PLEKHG6: variants seen among roughly 807,000 people sequenced by gnomAD.
PLEKHG6 encodes the protein pleckstrin homology domain-containing family G member 6.
A neutral mutation model predicts 97.5 loss-of-function variants in PLEKHG6; 91 were observed. The ratio of observed to expected loss-of-function variants is 0.93; its 90% CI spans 0.79 to 1.11. The LOEUF is 1.11. Among genes scored for constraint, PLEKHG6 ranks in the 50% most tolerant of loss-of-function variants. The pLI is 0.00. For missense variants in PLEKHG6, 1,044 were observed against 1,031.0 expected (o/e 1.01, Z -0.17); for synonymous variants, 466 against 425.5 (o/e 1.10, Z -1.17).
At chr12:6,311,938 C>T (rs1056623363) in intron 1 of PLEKHG6, among the ~76,000 whole-genome samples, 5 of 152,120 alleles carry the variant, frequency 3.3e-5, no homozygotes, top group East Asian at 3.9e-4. Context: ...AGAGGAGGTA[C>T]ATCTCCAAGG....
intron 15 of PLEKHG6, 89 bp downstream of exon 15, chr12:6,328,035 G>A (rs1947936677): frequency 1.3e-5 from 20 of 1,582,664 alleles, no homozygotes; most frequent in Non-Finnish European, 1.7e-5. Context: ...GGGCAAAGCA[G>A]GAACAGGGGC....
At chr12:6,319,694 T>G (rs1565459249) in intron 13 of PLEKHG6, 5 of 1,528,808 alleles carry the variant, frequency 3.3e-6, no homozygotes, top group Non-Finnish European at 4.4e-6. Flanking sequence ...CCTGAAATGA[T>G]TAACTTCTAG....
chr12:6,324,497 C>T (rs895119997), intron 13 of PLEKHG6, among the ~76,000 whole-genome samples: 3 of 152,064 alleles, frequency 2.0e-5, no homozygotes, highest in Non-Finnish European at 2.9e-5. Context: ...ACAAGCAGAT[C>T]GGCCCAGCGC....
Position 6,328,126 on chromosome 12 carries a change from G to A in PLEKHG6, c.2364-10G>A. 1 of 1,614,032 alleles carries A rather than the reference G, an allele frequency of 6.2e-7. No homozygotes were observed. The highest frequency in any genetic ancestry group is 8.5e-7 in the Non-Finnish European group (1 of 1,179,942). On this transcript the variant is annotated splice_polypyrimidine_tract_variant and intron_variant, in intron 15 of 15. Coordinates refer to ENST00000684764, the MANE Select transcript of PLEKHG6 (RefSeq NM_001384598.1). ...TGAATGTCGCCTAACACCCCCTCCT[G>A]TCTTTTCAGAGAGGTATGAGGAATG...
chr12:6,310,445 C>CG (rs1169935247), upstream of PLEKHG6: 2 of 152,238 alleles, frequency 1.3e-5, no homozygotes, highest in African/African-American at 4.8e-5. Context: ...CAGCGCCTCG[C>CG]GGGGGTCTGG....
rs1947418717 is a variant in PLEKHG6 at position 6,315,356 on chromosome 12, T to C, written c.459+187T>C. Among the ~76,000 whole-genome samples, 1 of 152,202 alleles carries C rather than the reference T, an allele frequency of 6.6e-6. No homozygotes were observed. The highest frequency in any genetic ancestry group is 1.5e-5 in the Non-Finnish European group (1 of 68,032). The stretch of plus-strand genomic sequence containing the variant: ...CAGACCTTGGTCAAGACAGTAAAGT[T>C]CTCTGGGCCTCAGTTGCCACATATG... On this transcript the variant is annotated intron_variant, in intron 4 of 15. Coordinates refer to ENST00000684764, the MANE Select transcript of PLEKHG6 (RefSeq NM_001384598.1). The surrounding 1 kb of genome is among the most constrained non-coding windows in gnomAD (Gnocchi z 4.5).
intron 7 of PLEKHG6, among the ~76,000 whole-genome samples, 175 bp from the exon 8 acceptor site, chr12:6,317,128 G>T (rs905514419): frequency 3.3e-5 from 5 of 152,240 alleles, no homozygotes; most frequent in African/African-American, 1.2e-4. Context: ...TCCAGAGAAA[G>T]GGGCGTAGCC....
Position 6,316,449 on chromosome 12 carries a change from GC to G in PLEKHG6, c.756+48del. On this transcript the variant is annotated intron_variant, in intron 7 of 15. Transcript: ENST00000684764. The surrounding 1 kb of genome is among the most constrained non-coding windows in gnomAD (Gnocchi z 4.1). Reference sequence around the variant, plus strand: ...GTGTCTGGATGGGGCAGGACTCGGAGCCCTCGGGGGTCCTGTGTGTAGGGCA... The same window carrying G: ...GTGTCTGGATGGGGCAGGACTCGGAGCCTCGGGGGTCCTGTGTGTAGGGCA... 3 of 1,511,122 alleles carry G rather than the reference GC, an allele frequency of 2.0e-6. No homozygotes were observed. Among genetic ancestry groups the G allele is most frequent in the Non-Finnish European group, 2.7e-6 (3 of 1,122,246 alleles). The allele number at this position is 1,511,122 out of a possible 1,614,324, so 93.6% of individuals were successfully genotyped here.
intron 13 of PLEKHG6, among the ~76,000 whole-genome samples, chr12:6,322,123 G>A (rs1018398451): frequency 2.6e-5 from 4 of 152,212 alleles, no homozygotes; most frequent in Admixed American, 6.5e-5. Context: ...CAGCGGCAAA[G>A]AGCACAGTTG....
rs1947509231 is a variant in PLEKHG6 at position 6,317,426 on chromosome 12, G to A, written c.867+13G>A. 1 of 1,610,452 alleles carries A rather than the reference G, an allele frequency of 6.2e-7. No individual in the cohort carries two copies. Among genetic ancestry groups the A allele is most frequent in the Non-Finnish European group, 8.5e-7 (1 of 1,177,124 alleles). ...TGCCTTCGTGCAGGTGGGAGAAGGG[G>A]TGCTGGGGAGGGGGACGGGTGCATC... On this transcript the variant is annotated intron_variant, in intron 8 of 15. Coordinates refer to ENST00000684764, the MANE Select transcript of PLEKHG6 (RefSeq NM_001384598.1).
At position 6,317,527 on chromosome 12, in the gene PLEKHG6, C is replaced by G. The variant is rs1319459700; in HGVS notation, c.868-20C>G. On this transcript the variant is annotated intron_variant, in intron 8 of 15. Coordinates refer to ENST00000684764, the MANE Select transcript of PLEKHG6 (RefSeq NM_001384598.1). The stretch of plus-strand genomic sequence containing the variant: ...GGGCAGGAGGGAGCAAACCCTGAGC[C>G]CCACCCACCTTCCCTGCAGTGGTGT... The G allele has an allele frequency of 1.2e-6, 2 of 1,612,532 alleles. No homozygotes were observed. Among genetic ancestry groups the G allele is most frequent in the East Asian group, 4.5e-5 (2 of 44,892 alleles).
chr12:6,313,281 G>A lies in PLEKHG6; in HGVS notation c.139-348G>A, dbSNP rs574875792. On this transcript the variant is annotated intron_variant, in intron 2 of 15. Coordinates refer to ENST00000684764, the MANE Select transcript of PLEKHG6 (RefSeq NM_001384598.1). ...GCTGTGTGCACCACGCCTTGTCCAT[G>A]CACCCCCCATGGTACGGAGAGCAGG... 57 of 1,188,574 alleles carry A rather than the reference G, an allele frequency of 4.8e-5. No homozygotes were observed. The African/African-American group carries it at 7.4e-4, about 15-fold the overall frequency. 73.6% of individuals were successfully genotyped at this position (1,188,574 alleles called of 1,614,324 possible).
chr12:6,313,291 T>C (rs1947337126), intron 2 of PLEKHG6: 1 of 1,110,532 alleles, frequency 9.0e-7, no homozygotes. Context: ...GCACCCCCCA[T>C]GGTACGGAGA....
intron 2 of PLEKHG6, chr12:6,312,680 C>A (rs1947316768): frequency 2.5e-6 from 3 of 1,191,902 alleles, no homozygotes; most frequent in African/African-American, 3.2e-5. Context: ...GCCTCCCAGG[C>A]TCCCGCCTCT....
intron 13 of PLEKHG6, among the ~76,000 whole-genome samples, chr12:6,325,226 C>T (rs933055932): frequency 1.3e-5 from 2 of 151,982 alleles, no homozygotes; most frequent in African/African-American, 4.8e-5. Context: ...ACTCTTTACC[C>T]TTCAAGGCTG....
chr12:6,327,184 A>T (rs2136796163), intron 14 of PLEKHG6, 70 bp from the exon 15 acceptor site: 1 of 906,642 alleles, frequency 1.1e-6, no homozygotes, highest in Non-Finnish European at 1.7e-6. Flanking sequence ...TTCTGGATGT[A>T]GTGATCAAGG....
rs144336755 is a variant in PLEKHG6, at chr12:6,311,920, CAT to C, written c.-68-238_-68-237del. On this transcript the variant is annotated intron_variant, in intron 1 of 15. Transcript: ENST00000684764. ...GGAGCTTGTACCCCAAATATGCACA[CAT>C]GTGAGAGAGGAGGTACATCTCCAAG... is the stretch of plus-strand genomic sequence containing the variant. 8.4e-3 allele frequency among the ~76,000 whole-genome samples: 1,274 copies of C among 152,282 alleles called. 21 individuals carry two copies. Among genetic ancestry groups the C allele is most frequent in the African/African-American group, 0.028 (1,175 of 41,536 alleles).
In PLEKHG6 at chr12:6,327,429, G is replaced by C. The variant is rs776174853; in HGVS notation, c.1846G>C (p.Asp616His). The change falls in exon 15 of 16, where the codon GAC becomes CAC. Residue 616 changes from aspartate (D) to histidine (H), a missense_variant. By Grantham distance (81) the Asp-to-His change is moderately conservative (BLOSUM62 -1). Transcript: ENST00000684764. Reference sequence around the variant, plus strand: ...TCTACGCCAAAGAGCCCTTCGGCGGGACCCTCGCCTCACCTTCTCCACCCT... The same window carrying C: ...TCTACGCCAAAGAGCCCTTCGGCGGCACCCTCGCCTCACCTTCTCCACCCT... ...SRLRQRALRR[D>H]PRLTFSTLEL... The C allele has an allele frequency of 2.5e-5, 40 of 1,613,806 alleles. No individual in the cohort carries two copies. In the South Asian group the frequency reaches 4.2e-4, roughly 17 times the overall value.
rs1475323461 is a variant in PLEKHG6, at chr12:6,317,939, C to A, written c.1100C>A (p.Ala367Glu). The change falls in exon 10 of 16, where the codon GCA becomes GAA. Residue 367 changes from alanine to glutamate, a missense_variant. Physicochemically the swap from Ala to Glu is moderately radical, Grantham distance 107 (BLOSUM62 -1). Transcript: ENST00000684764. ...GEEQESLAAAAQRIGPYEVLE... is the reference protein window; with the variant it reads ...GEEQESLAAAEQRIGPYEVLE... ...GAGCAAGAGAGCTTGGCGGCTGCAGCACAACGCATCGGGCCCTACGAGGTG... is the reference window on the plus strand; with the variant it reads ...GAGCAAGAGAGCTTGGCGGCTGCAGAACAACGCATCGGGCCCTACGAGGTG... The A allele has an allele frequency of 6.3e-7, 1 of 1,577,162 alleles. No homozygotes were observed.
Sources: gnomAD v4.1 joint callset for allele counts (sites outside exome capture counted in the v4.1 genomes callset) on GRCh38, gnomAD v4.1.1 for gene constraint, Gnocchi (gnomAD v3.1) non-coding constraint, MANE v1.5 for transcripts, NCBI Gene and HGNC (gene_info 2026-07-23, HGNC 2026-07-21) for gene names.